The following TASP1 variants were observed in gnomAD, a reference collection of about 807,000 sequenced individuals.
TASP1 encodes taspase 1, also known as threonine aspartase 1.
Under a neutral mutation model 56.6 loss-of-function variants are expected in TASP1, and 16 were observed. The observed-to-expected ratio is 0.28, with a 90% CI of 0.19 to 0.43. The LOEUF (loss-of-function observed/expected upper bound fraction) is 0.43. Ranked by LOEUF, TASP1 falls within the 20% of genes least tolerant of loss-of-function variation. The pLI, the probability that TASP1 is intolerant of heterozygous loss-of-function variation, is 1.00. For missense variants in TASP1, 393 were observed against 511.6 expected, an observed-to-expected ratio of 0.77 and a Z score of 2.24; for synonymous variants, 179 against 184.2, an observed-to-expected ratio of 0.97 and a Z score of 0.23.
chr20:13,234,217 C>T, the TASP1 span, among the ~76,000 whole-genome samples: 5 of 152,262 alleles, frequency 3.3e-5, no homozygotes, highest in East Asian at 1.9e-4. Context: ...ACGTGGTATT[C>T]GACTTTCTGT....
chr20:13,109,842 G>A, the TASP1 span, among the ~76,000 whole-genome samples: 4 of 152,122 alleles, frequency 2.6e-5, no homozygotes, highest in Admixed American at 1.3e-4. Flanking sequence ...TAAGGCAGGC[G>A]GGGAGAGCCT....
intron 4 of TASP1, among the ~76,000 whole-genome samples, chr20:13,618,903 C>T (rs563275431): frequency 1.3e-4 from 20 of 151,742 alleles, no homozygotes; most frequent in African/African-American, 3.6e-4. Flanking sequence ...AGTCTCACTC[C>T]GTAGCCCAGG....
the TASP1 span, among the ~76,000 whole-genome samples, chr20:13,252,451 A>G: frequency 6.6e-6 from 1 of 152,136 alleles, no homozygotes; most frequent in Non-Finnish European, 1.5e-5. Flanking sequence ...GCTTTTCAGT[A>G]TAAAGGGGCG....
intron 10 of TASP1, among the ~76,000 whole-genome samples, chr20:13,488,267 C>T (rs1421846262): frequency 6.6e-6 from 1 of 151,540 alleles, no homozygotes; most frequent in African/African-American, 2.4e-5. Flanking sequence ...AAGCTCTGGA[C>T]CAAAGGCAAC....
chr20:13,162,650 C>T, the TASP1 span, among the ~76,000 whole-genome samples: 1 of 152,306 alleles, frequency 6.6e-6, no homozygotes, highest in Non-Finnish European at 1.5e-5. Context: ...ATGTCTCCCT[C>T]TTCTGACTGA....
chr20:13,236,172 C>T, the TASP1 span, among the ~76,000 whole-genome samples: 2 of 152,144 alleles, frequency 1.3e-5, no homozygotes, highest in African/African-American at 4.8e-5. Context: ...ATCCACCCAC[C>T]TCGGCCTCCC....
At chr20:13,630,274 CA>C in intron 1 of TASP1, 122 bp from the exon 2 acceptor site, 1 of 522,106 alleles carries the variant, frequency 1.9e-6, no homozygotes, top group Non-Finnish European at 3.2e-6. Flanking sequence ...TTGAGCAATA[CA>C]AAAAAGGTAT....
chr20:13,323,557 G>A, the TASP1 span, among the ~76,000 whole-genome samples: 1 of 152,040 alleles, frequency 6.6e-6, no homozygotes, highest in Non-Finnish European at 1.5e-5. Context: ...ATGAAACTAC[G>A]TTTTCTTGGC....
At chr20:13,344,930 C>T in the TASP1 span, among the ~76,000 whole-genome samples, 2 of 152,142 alleles carry the variant, frequency 1.3e-5, no homozygotes, top group Non-Finnish European at 2.9e-5. Flanking sequence ...CCCTCAGGCT[C>T]CCCGGATTCT....
chr20:13,232,123 G>A, the TASP1 span, among the ~76,000 whole-genome samples: 1 of 152,172 alleles, frequency 6.6e-6, no homozygotes, highest in Admixed American at 6.5e-5. Flanking sequence ...AGGACAGGAG[G>A]AGAAGAGTGG....
At chr20:13,180,544 T>A in the TASP1 span, among the ~76,000 whole-genome samples, 1 of 152,212 alleles carries the variant, frequency 6.6e-6, no homozygotes, top group South Asian at 2.1e-4. Flanking sequence ...ATATAGAAAG[T>A]CTAGAGCAGC....
At chr20:13,199,018 C>T in the TASP1 span, among the ~76,000 whole-genome samples, 1 of 151,530 alleles carries the variant, frequency 6.6e-6, no homozygotes, top group Non-Finnish European at 1.5e-5. Context: ...CAATCCTCCC[C>T]TCTCAGCCTC....
At chr20:13,331,688 T>C in the TASP1 span, among the ~76,000 whole-genome samples, 2 of 150,156 alleles carry the variant, frequency 1.3e-5, no homozygotes, top group East Asian at 3.9e-4. Flanking sequence ...TTTTTTTTTT[T>C]CTGTCACTTG....
intron 4 of TASP1, among the ~76,000 whole-genome samples, chr20:13,589,057 G>GTTT (rs1222198899): frequency 3.7e-5 from 5 of 133,762 alleles, no homozygotes; most frequent in African/African-American, 5.4e-5. Flanking sequence ...TCTTTCGTGG[G>GTTT]TTTTTTTTTT....
chr20:13,340,799 A>C, the TASP1 span, among the ~76,000 whole-genome samples: 4 of 152,306 alleles, frequency 2.6e-5, no homozygotes, highest in African/African-American at 9.6e-5. Context: ...TACCACTGAA[A>C]TCAACTTCAG....
At chr20:13,125,040 T>C in the TASP1 span, among the ~76,000 whole-genome samples, 1 of 152,002 alleles carries the variant, frequency 6.6e-6, no homozygotes, top group East Asian at 1.9e-4. Context: ...TGCAGAGGCC[T>C]GTCATCAGCC....
the TASP1 span, among the ~76,000 whole-genome samples, chr20:13,291,452 TCA>T: frequency 6.6e-6 from 1 of 152,198 alleles, no homozygotes; most frequent in African/African-American, 2.4e-5. Flanking sequence ...TTGAGGTGCC[TCA>T]CATAAAATCA....
At chr20:13,569,909 C>A (rs2046655971) in intron 6 of TASP1, among the ~76,000 whole-genome samples, 1 of 152,106 alleles carries the variant, frequency 6.6e-6, no homozygotes, top group South Asian at 2.1e-4. Flanking sequence ...CAACAGGGTT[C>A]TCAGTTAATG....
intron 8 of TASP1, among the ~76,000 whole-genome samples, chr20:13,549,408 C>T (rs1014994531): frequency 6.6e-6 from 1 of 151,782 alleles, no homozygotes; most frequent in South Asian, 2.1e-4. Flanking sequence ...TTAAAATACC[C>T]TTGTACTTGT....
Sources: gnomAD v4.1 joint callset for allele counts (sites outside exome capture counted in the v4.1 genomes callset) on GRCh38, gnomAD v4.1.1 for gene constraint, MANE v1.5 for transcripts, NCBI Gene and HGNC (gene_info 2026-07-23, HGNC 2026-07-21) for gene names.